TRIP11: variants seen among roughly 807,000 people sequenced by gnomAD.
TRIP11 encodes the protein thyroid hormone receptor interactor 11, also known as thyroid receptor-interacting protein 11.
Under a neutral mutation model 223.1 loss-of-function variants are expected in TRIP11, and 148 were observed. The observed-to-expected ratio is 0.66, with a 90% CI of 0.58 to 0.76. The LOEUF (loss-of-function observed/expected upper bound fraction) is 0.76. TRIP11 is among the 30% of genes least tolerant of loss of function. TRIP11 has a pLI of 0.00. For synonymous variants in TRIP11, 762 were observed against 772.6 expected (o/e 0.99, Z 0.23); for missense variants, 2,043 against 2,222.0 (o/e 0.92, Z 1.62).
In TRIP11 at chr14:91,970,017, A is replaced by G. The variant is rs145140213; in HGVS notation, c.5720-124T>C. The G allele has an allele frequency of 1.3e-4, 132 of 995,638 alleles. 1 individual carries two copies. The African/African-American group carries it at 1.7e-3, about 13-fold the overall frequency. The allele number at this position is 995,638 out of a possible 1,614,324, so 61.7% of individuals were successfully genotyped here. On this transcript the variant is annotated intron_variant, in intron 20 of 20. Coordinates refer to ENST00000267622, the MANE Select transcript of TRIP11 (RefSeq NM_004239.4). ...GTTAAATTGATTAGCATAGATAAAT[A>G]AAAATAATCAATGTATCACTTATCA...
intron 16 of TRIP11, among the ~76,000 whole-genome samples, chr14:91,984,965 C>A (rs1159666136): frequency 2.6e-5 from 4 of 152,338 alleles, no homozygotes; most frequent in African/African-American, 7.2e-5. Context: ...TAACAGCCAA[C>A]ACTGTCTATT....
At chr14:92,038,874 T>TAGTA (rs1191327417) in intron 1 of TRIP11, among the ~76,000 whole-genome samples, 3 of 152,174 alleles carry the variant, frequency 2.0e-5, no homozygotes, top group African/African-American at 7.2e-5. Flanking sequence ...CACTATTCAT[T>TAGTA]AGTAAAACGA....
intron 1 of TRIP11, among the ~76,000 whole-genome samples, chr14:92,036,569 A>C (rs1854255359): frequency 6.6e-6 from 1 of 152,248 alleles, no homozygotes; most frequent in African/African-American, 2.4e-5. Context: ...ACCTTGAATA[A>C]ATCAGTAGTG....
chr14:92,003,575 T>C lies in TRIP11; in HGVS notation c.4401A>G (p.Lys1467=). 6.2e-7 allele frequency: 1 copy of C among 1,614,208 alleles called. No individual in the cohort carries two copies. The highest frequency in any genetic ancestry group is 8.5e-7 in the Non-Finnish European group (1 of 1,180,032). The change falls in exon 11 of 21, where the codon AAA becomes AAG. Residue 1467 remains lysine (K), a synonymous_variant. Transcript: ENST00000267622. ...DIGKLKGENE[K]IVETYRGKET... is the part of the protein sequence containing the mutation. ...CCTTTCCCCTGTATGTTTCCACTAT[T>C]TTTTCATTTTCTCCTTTTAGTTTGC...
At chr14:91,977,659 C>CTATTAA (rs57322613) in intron 16 of TRIP11, among the ~76,000 whole-genome samples, 77,578 of 150,334 alleles carry the variant, frequency 0.52, 21,132 homozygotes, top group African/African-American at 0.69. Flanking sequence ...TCAGGACTGC[C>CTATTAA]CTCACCTTTC....
intron 2 of TRIP11, among the ~76,000 whole-genome samples, chr14:92,029,545 C>G (rs2057236763): frequency 6.6e-6 from 1 of 152,046 alleles, no homozygotes; most frequent in South Asian, 2.1e-4. Flanking sequence ...CCGCCCACTT[C>G]AGCCTCCCAA....
intron 5 of TRIP11, among the ~76,000 whole-genome samples, chr14:92,016,101 C>T (rs2057032445): frequency 6.6e-6 from 1 of 152,154 alleles, no homozygotes; most frequent in African/African-American, 2.4e-5. Context: ...CAAGAAAAGG[C>T]TAAAACAAAC....
chr14:91,979,980 T>TAA (rs774566161), intron 16 of TRIP11, among the ~76,000 whole-genome samples: 2 of 140,438 alleles, frequency 1.4e-5, no homozygotes, highest in African/African-American at 2.6e-5. Context: ...TTTTGGAAGT[T>TAA]AAAAAAAAAA....
rs1423554639 is a variant in TRIP11, at chr14:92,005,240, A to T, written c.2736T>A (p.Ile912=). ...NTIKEHLEEE[I]KHHQKIIEDQ... ...CTTCAATTATCTTTTGATGATGTTT[A>T]ATTTCCTCTTCAAGATGTTCCTTGA... Residue 912 remains isoleucine (I), a synonymous_variant, in exon 11 of 21, where the codon ATT becomes ATA. Coordinates refer to ENST00000267622, the MANE Select transcript of TRIP11 (RefSeq NM_004239.4). The T allele has an allele frequency of 3.1e-6, 5 of 1,614,012 alleles. No individual in the cohort carries two copies. The highest frequency in any genetic ancestry group is 1.6e-4 in the Middle Eastern group (1 of 6,084).
At chr14:92,016,175 C>T (rs975390177) in intron 5 of TRIP11, among the ~76,000 whole-genome samples, 1 of 152,226 alleles carries the variant, frequency 6.6e-6, no homozygotes, top group Non-Finnish European at 1.5e-5. Context: ...CCTAATGACA[C>T]TTTCTGCCAA....
At chr14:91,975,763 C>T (rs911287626) in intron 17 of TRIP11, among the ~76,000 whole-genome samples, 2 of 151,998 alleles carry the variant, frequency 1.3e-5, no homozygotes, top group African/African-American at 4.8e-5. Context: ...AGATCTAATA[C>T]ATTTGAGCAA....
chr14:92,020,017 C>A (rs1174412213), intron 4 of TRIP11, among the ~76,000 whole-genome samples: 1 of 152,016 alleles, frequency 6.6e-6, no homozygotes, highest in East Asian at 1.9e-4. Flanking sequence ...GTAATCCCAA[C>A]ACTTTGGGCG....
At chr14:92,011,478 C>A (rs1227461940) in intron 8 of TRIP11, among the ~76,000 whole-genome samples, 1 of 97,506 alleles carries the variant, frequency 1.0e-5, no homozygotes, top group Non-Finnish European at 1.9e-5. Context: ...AGCAAGACTC[C>A]GTCTCAAAAA....
rs12882392 is a variant in TRIP11 at position 92,035,558 on chromosome 14, C to A, written c.140-2305G>T. ...TTAAAAAAAAAAAAATCGCAAAAAA[C>A]CTCATTTTTTATTTATTTATTTATT... On this transcript the variant is annotated intron_variant, in intron 1 of 20. Transcript: ENST00000267622. Among the ~76,000 whole-genome samples, 466 of 148,502 alleles carry A rather than the reference C, an allele frequency of 3.1e-3. 1 individual carries two copies. Among genetic ancestry groups the A allele is most frequent in the Non-Finnish European group, 4.9e-3 (332 of 67,372 alleles).
At chr14:91,974,812 T>A in intron 18 of TRIP11, 69 bp from the exon 19 acceptor site, 5 of 1,234,338 alleles carry the variant, frequency 4.1e-6, no homozygotes, top group Non-Finnish European at 5.8e-6. Context: ...GGACCACTTT[T>A]ATATAATTTC....
chr14:92,002,863 G>A (rs540109705), intron 11 of TRIP11, among the ~76,000 whole-genome samples: 182 of 152,172 alleles, frequency 1.2e-3, no homozygotes, highest in Non-Finnish European at 1.6e-3. Flanking sequence ...TTACAGGCAT[G>A]AGCCACCGCG....
At chr14:92,027,280 A>G (rs966283589) in intron 2 of TRIP11, among the ~76,000 whole-genome samples, 19 of 151,728 alleles carry the variant, frequency 1.3e-4, no homozygotes, top group African/African-American at 4.6e-4. Context: ...GACCATATTC[A>G]TTATAATCTC....
At chr14:92,009,963 T>G (rs1345070397) in intron 9 of TRIP11, among the ~76,000 whole-genome samples, 2 of 152,250 alleles carry the variant, frequency 1.3e-5, no homozygotes, top group African/African-American at 4.8e-5. Context: ...GTTTTCAGTA[T>G]GTATGTTTTC....
rs2295171 is a variant in TRIP11 at position 92,025,509 on chromosome 14, T to C, written c.202-89A>G. ...CAGCATTATGAAAAACGTACTGCTT[T>C]CCCCCCCCAAAAATGTCAAATATAA... On this transcript the variant is annotated intron_variant, in intron 2 of 20. Coordinates refer to ENST00000267622, the MANE Select transcript of TRIP11 (RefSeq NM_004239.4). The C allele has an allele frequency of 0.37, 286,893 of 773,256 alleles. 59,124 individuals are homozygous for C. The highest frequency in any genetic ancestry group is 0.65 in the African/African-American group (35,055 of 54,102). 47.9% of individuals were successfully genotyped at this position (773,256 alleles called of 1,614,324 possible).
Sources: gnomAD v4.1 joint callset for allele counts (sites outside exome capture counted in the v4.1 genomes callset) on GRCh38, gnomAD v4.1.1 for gene constraint, MANE v1.5 for transcripts, NCBI Gene and HGNC (gene_info 2026-07-23, HGNC 2026-07-21) for gene names.